APBB2: variants seen among roughly 807,000 people sequenced by gnomAD.
The protein encoded by APBB2 is Fe65-like 1.
In APBB2, 38 loss-of-function variants were observed where a neutral mutation model predicts 82.5. The ratio of observed to expected loss-of-function variants is 0.46; its 90% CI spans 0.36 to 0.60. The LOEUF (loss-of-function observed/expected upper bound fraction) is 0.60, where lower values mean the gene tolerates loss of function less well. Ranked by LOEUF, APBB2 falls within the 20% of genes least tolerant of loss-of-function variation. APBB2 has a pLI of 0.00. For missense variants in APBB2, 772 were observed against 972.3 expected (o/e 0.79, Z 2.74); for synonymous variants, 341 against 368.2 (o/e 0.93, Z 0.85).
chr4:41,083,156 C>T (rs1738291117), intron 3 of APBB2, among the ~76,000 whole-genome samples: 1 of 151,568 alleles, frequency 6.6e-6, no homozygotes, highest in South Asian at 2.1e-4. Flanking sequence ...CAGAACAAGA[C>T]TTTGTCTCAA....
At chr4:40,999,259 AG>A (rs1367148408) in intron 6 of APBB2, among the ~76,000 whole-genome samples, 2 of 152,082 alleles carry the variant, frequency 1.3e-5, no homozygotes, top group African/African-American at 4.8e-5. Flanking sequence ...TGGGCAATAT[AG>A]GGAGACCCTG....
intron 12 of APBB2, among the ~76,000 whole-genome samples, chr4:40,834,448 T>C (rs1753142639): frequency 6.6e-6 from 1 of 152,222 alleles, no homozygotes; most frequent in Non-Finnish European, 1.5e-5. Flanking sequence ...TCGAATTTCA[T>C]TGATTTAAGA....
At chr4:41,042,449 C>T (rs1721892521) in intron 4 of APBB2, among the ~76,000 whole-genome samples, 1 of 152,206 alleles carries the variant, frequency 6.6e-6, no homozygotes, top group African/African-American at 2.4e-5. Context: ...CATCCTTGCC[C>T]TCTACTCCGT....
At chr4:41,101,230 C>T (rs973079429) in intron 2 of APBB2, among the ~76,000 whole-genome samples, 3 of 150,842 alleles carry the variant, frequency 2.0e-5, no homozygotes, top group Admixed American at 1.3e-4. Context: ...TTTGGGAGGC[C>T]GAGGCGGGTG....
intron 1 of APBB2, among the ~76,000 whole-genome samples, chr4:41,147,012 C>T (rs2154024848): frequency 6.6e-6 from 1 of 152,322 alleles, no homozygotes; most frequent in African/African-American, 2.4e-5. Context: ...CAAACCCCTA[C>T]CATATATTCC....
intron 2 of APBB2, among the ~76,000 whole-genome samples, chr4:41,123,606 T>A (rs550417704): frequency 2.0e-5 from 3 of 152,190 alleles, no homozygotes; most frequent in East Asian, 3.9e-4. Flanking sequence ...CCAAGGCAGG[T>A]GAGGTCAGGA....
intron 6 of APBB2, among the ~76,000 whole-genome samples, chr4:40,981,186 C>T (rs1391703293): frequency 2.6e-5 from 4 of 152,080 alleles, no homozygotes; most frequent in African/African-American, 9.6e-5. Context: ...GGGCGGATCA[C>T]GAGGTCAAGA....
intron 4 of APBB2, among the ~76,000 whole-genome samples, chr4:41,037,550 T>A (rs1357489915): frequency 6.6e-6 from 1 of 152,220 alleles, no homozygotes; most frequent in Non-Finnish European, 1.5e-5. Context: ...ATCTTTGTTG[T>A]ACAGGGTAGT....
At chr4:41,110,511 G>A (rs1298129950) in intron 2 of APBB2, among the ~76,000 whole-genome samples, 1 of 151,558 alleles carries the variant, frequency 6.6e-6, no homozygotes, top group Non-Finnish European at 1.5e-5. Flanking sequence ...GCTGAGGCAG[G>A]AGAATCACTT....
chr4:41,143,548 G>A (rs2154022219), intron 1 of APBB2, among the ~76,000 whole-genome samples: 1 of 152,282 alleles, frequency 6.6e-6, no homozygotes, highest in South Asian at 2.1e-4. Flanking sequence ...CTTAGGAACT[G>A]AAACAGAAAA....
chr4:41,207,466 A>G (rs1455671284), intron 1 of APBB2, among the ~76,000 whole-genome samples: 3 of 152,146 alleles, frequency 2.0e-5, no homozygotes, highest in South Asian at 2.1e-4. Flanking sequence ...AAGAATTGCT[A>G]AAGAGTGTTG....
At chr4:40,910,485 T>C (rs1171265202) in intron 10 of APBB2, among the ~76,000 whole-genome samples, 1 of 152,126 alleles carries the variant, frequency 6.6e-6, no homozygotes, top group African/African-American at 2.4e-5. Context: ...CAGATCCACC[T>C]GCTCCAGTCT....
chr4:40,989,868 G>A (rs10024411), intron 6 of APBB2, among the ~76,000 whole-genome samples: 53,786 of 151,980 alleles, frequency 0.35, 9,573 homozygotes, highest in Middle Eastern at 0.4. Context: ...ACAATCACTG[G>A]GTATTCAGGA....
At chr4:40,859,561 A>T (rs2154334060) in intron 12 of APBB2, among the ~76,000 whole-genome samples, 1 of 152,292 alleles carries the variant, frequency 6.6e-6, no homozygotes, top group African/African-American at 2.4e-5. Context: ...AGCTGTTCTC[A>T]CAGGAGCCAC....
At chr4:40,842,234 A>G (rs1409650166) in intron 12 of APBB2, 5 of 360,572 alleles carry the variant, frequency 1.4e-5, no homozygotes, top group African/African-American at 8.5e-5. Flanking sequence ...AAACAAAACA[A>G]AACAAAACAA....
chr4:41,137,323 C>A (rs1045397794), intron 2 of APBB2, among the ~76,000 whole-genome samples: 15 of 151,610 alleles, frequency 9.9e-5, no homozygotes, highest in African/African-American at 3.6e-4. Context: ...AAAACTTAAT[C>A]TTTTTTTTTC....
intron 2 of APBB2, among the ~76,000 whole-genome samples, chr4:41,123,307 G>A (rs540462885): frequency 5.3e-5 from 8 of 152,052 alleles, no homozygotes; most frequent in South Asian, 4.1e-4. Context: ...TGATTCGGTC[G>A]GTCAGAGAGG....
intron 10 of APBB2, among the ~76,000 whole-genome samples, chr4:40,919,293 A>C (rs759324096): frequency 1.3e-5 from 2 of 152,230 alleles, no homozygotes; most frequent in Non-Finnish European, 2.9e-5. Context: ...CCATAAGAGG[A>C]GGCGACAAAC....
At chr4:41,112,407 C>T (rs1749512652) in intron 2 of APBB2, among the ~76,000 whole-genome samples, 2 of 152,162 alleles carry the variant, frequency 1.3e-5, no homozygotes, top group African/African-American at 4.8e-5. Context: ...AAAGAAGGCA[C>T]CCAACCATCC....
Sources: gnomAD v4.1 joint callset for allele counts (sites outside exome capture counted in the v4.1 genomes callset) on GRCh38, gnomAD v4.1.1 for gene constraint, MANE v1.5 for transcripts, NCBI Gene and HGNC (gene_info 2026-07-23, HGNC 2026-07-21) for gene names.